The following DCC variants were observed in gnomAD, a reference collection of about 807,000 sequenced individuals.
DCC encodes netrin receptor DCC.
DCC carries 58 observed loss-of-function variants against 172.5 expected under a neutral mutation model. That is an observed-to-expected ratio of 0.34 (90% CI 0.27 to 0.42). The LOEUF (loss-of-function observed/expected upper bound fraction) is 0.42, where lower values mean the gene tolerates loss of function less well. Ranked by LOEUF, DCC falls within the 10% of genes least tolerant of loss-of-function variation. DCC has a pLI of 1.00. For synonymous variants in DCC, 709 were observed against 644.5 expected (o/e 1.10, Z -1.52); for missense variants, 1,740 against 1,791.0 (o/e 0.97, Z 0.51).
At chr18:52,410,535 G>A (rs895670641) in intron 1 of DCC, among the ~76,000 whole-genome samples, 1 of 152,166 alleles carries the variant, frequency 6.6e-6, no homozygotes, top group African/African-American at 2.4e-5. Flanking sequence ...GAGGCACCAT[G>A]TAGGGTGGTT....
At chr18:52,537,036 G>T (rs182006333) in intron 1 of DCC, among the ~76,000 whole-genome samples, 33 of 152,280 alleles carry the variant, frequency 2.2e-4, no homozygotes, top group African/African-American at 7.5e-4. Flanking sequence ...AGCTAGTGCT[G>T]TTAAAGTGGC....
chr18:52,994,790 C>T (rs2041452760), intron 5 of DCC, among the ~76,000 whole-genome samples: 1 of 151,886 alleles, frequency 6.6e-6, no homozygotes, highest in African/African-American at 2.4e-5. Flanking sequence ...CCTGATTGTC[C>T]CATGATGTTT....
chr18:53,263,725 A>C (rs2056633571), intron 12 of DCC, among the ~76,000 whole-genome samples: 1 of 152,066 alleles, frequency 6.6e-6, no homozygotes, highest in African/African-American at 2.4e-5. Context: ...AATATTTAAA[A>C]TACATGTCAA....
At chr18:52,648,486 C>T in intron 1 of DCC, among the ~76,000 whole-genome samples, 1 of 152,160 alleles carries the variant, frequency 6.6e-6, no homozygotes, top group East Asian at 1.9e-4. Flanking sequence ...AGACCGAAAG[C>T]ACATGTAAAT....
Position 53,435,222 on chromosome 18 carries a change from AT to A in DCC, c.3229+15del. 1 of 1,486,336 alleles carries A rather than the reference AT, an allele frequency of 6.7e-7. No homozygotes were observed. The highest frequency in any genetic ancestry group is 9.4e-7 in the Non-Finnish European group (1 of 1,064,154). The allele number at this position is 1,486,336 out of a possible 1,614,324, so 92.1% of individuals were successfully genotyped here. A position where few individuals can be genotyped will look rare whatever the true frequency, so the allele number is the denominator to read the frequency against. On this transcript the variant is annotated intron_variant, in intron 22 of 28. Coordinates refer to ENST00000442544, the MANE Select transcript of DCC (RefSeq NM_005215.4). ...AGCACCCTAAATGGTAAGTATATAA[AT>A]TAGGTAATATTGAATTAGTTATATT...
intron 1 of DCC, among the ~76,000 whole-genome samples, chr18:52,396,487 G>A (rs990733232): frequency 6.6e-6 from 1 of 152,014 alleles, no homozygotes; most frequent in Non-Finnish European, 1.5e-5. Context: ...AAACCTAGAG[G>A]TTAATTAACA....
intron 2 of DCC, among the ~76,000 whole-genome samples, chr18:52,862,705 A>T (rs1023016017): frequency 7.9e-5 from 12 of 152,142 alleles, no homozygotes; most frequent in South Asian, 4.1e-4. Flanking sequence ...TCTCCAAAAA[A>T]ATATATAACT....
At chr18:52,862,522 AC>A (rs1354880428) in intron 2 of DCC, among the ~76,000 whole-genome samples, 5 of 151,860 alleles carry the variant, frequency 3.3e-5, no homozygotes, top group African/African-American at 1.2e-4. Context: ...GTATGCTGAA[AC>A]CCCATCTCTA....
intron 1 of DCC, among the ~76,000 whole-genome samples, chr18:52,595,171 A>C (rs527546199): frequency 1.6e-4 from 25 of 152,324 alleles, no homozygotes; most frequent in East Asian, 3.9e-4. Flanking sequence ...AAATTAAAGC[A>C]CAAAAACTTA....
Position 53,306,144 on chromosome 18 carries a change from AAGAG to A in DCC, c.2053+431_2053+434del, listed in dbSNP as rs542957298. Among the ~76,000 whole-genome samples the A allele has an allele frequency of 5.3e-5, 8 of 151,910 alleles. No homozygotes were observed. In the South Asian group the frequency reaches 1.7e-3, roughly 31 times the overall value. On this transcript the variant is annotated intron_variant, in intron 13 of 28. Transcript: ENST00000442544. ...GAAGAAAAGGGTAGATTGTAAAACA[AAGAG>A]AGAGATTATTCTACCTTCTGCCAAT...
At chr18:53,297,406 T>A (rs560535338) in intron 12 of DCC, among the ~76,000 whole-genome samples, 7 of 152,258 alleles carry the variant, frequency 4.6e-5, no homozygotes, top group African/African-American at 1.7e-4. Context: ...TCTTATTTTT[T>A]CCCAAATATG....
At chr18:52,796,339 G>T (rs1023523583) in intron 2 of DCC, among the ~76,000 whole-genome samples, 2 of 151,812 alleles carry the variant, frequency 1.3e-5, no homozygotes, top group Non-Finnish European at 1.5e-5. Context: ...TATCATCATG[G>T]TTTGGTGATT....
intron 7 of DCC, among the ~76,000 whole-genome samples, chr18:53,099,497 G>A (rs935684700): frequency 6.6e-6 from 1 of 152,098 alleles, no homozygotes; most frequent in Admixed American, 6.6e-5. Flanking sequence ...TTTCAATTCT[G>A]CCGTTGCTAG....
intron 6 of DCC, among the ~76,000 whole-genome samples, chr18:53,064,950 A>C (rs1450077673): frequency 1.3e-5 from 2 of 152,156 alleles, no homozygotes; most frequent in Non-Finnish European, 2.9e-5. Context: ...TTTGAATATA[A>C]TCTTTCTCCC....
At chr18:53,290,815 C>T (rs2056994469) in intron 12 of DCC, among the ~76,000 whole-genome samples, 1 of 152,110 alleles carries the variant, frequency 6.6e-6, no homozygotes, top group African/African-American at 2.4e-5. Flanking sequence ...ATATTTCTCC[C>T]ATCAAACACT....
intron 1 of DCC, among the ~76,000 whole-genome samples, chr18:52,432,721 C>T (rs1280625445): frequency 1.3e-5 from 2 of 152,136 alleles, no homozygotes; most frequent in Admixed American, 6.6e-5. Flanking sequence ...CACTTATGGA[C>T]ATTGCGATTA....
At chr18:53,213,333 A>G (rs927183598) in intron 11 of DCC, among the ~76,000 whole-genome samples, 4 of 152,114 alleles carry the variant, frequency 2.6e-5, no homozygotes, top group Non-Finnish European at 5.9e-5. Flanking sequence ...TTAAATATAA[A>G]CTAGAAATAT....
chr18:53,309,964 G>GTATATATA lies in DCC; in HGVS notation c.2053+4256_2053+4263dup, dbSNP rs56355500. 1.5e-3 allele frequency among the ~76,000 whole-genome samples: 209 copies of GTATATATA among 137,338 alleles called. 3 individuals are homozygous for GTATATATA. In the East Asian group the frequency reaches 0.023, roughly 15 times the overall value. 90.1% of individuals were successfully genotyped at this position (137,338 alleles called of 152,430 possible). ...TATATACATGTATATATACGTGTGT[G>GTATATATA]TATATATATATATATATACTCTTTC... On this transcript the variant is annotated intron_variant, in intron 13 of 28. Coordinates refer to ENST00000442544, the MANE Select transcript of DCC (RefSeq NM_005215.4).
intron 1 of DCC, among the ~76,000 whole-genome samples, chr18:52,373,887 CA>C (rs74169196): frequency 5.0e-5 from 7 of 141,110 alleles, no homozygotes; most frequent in African/African-American, 7.9e-5. Flanking sequence ...TTGGTTGCAT[CA>C]TTTTTTTTTT....
Sources: allele counts gnomAD v4.1 joint callset (sites outside exome capture counted in the v4.1 genomes callset), GRCh38; gene constraint gnomAD v4.1.1; transcripts MANE v1.5; gene names NCBI Gene and HGNC (gene_info 2026-07-23, HGNC 2026-07-21).